Variants in TRRAP observed in about 807,000 individuals in gnomAD.
The protein encoded by TRRAP is transformation/transcription domain-associated protein.
A neutral mutation model predicts 438.8 loss-of-function variants in TRRAP; 41 were observed. The observed-to-expected ratio is 0.09, with a 90% CI of 0.07 to 0.12. The LOEUF (loss-of-function observed/expected upper bound fraction) is 0.12. Ranked by LOEUF, TRRAP falls within the 10% of genes least tolerant of loss-of-function variation. The pLI, the probability that TRRAP is intolerant of heterozygous loss-of-function variation, is 1.00. For missense variants in TRRAP, 3,122 were observed against 5,055.1 expected (o/e 0.62, Z 11.60); for synonymous variants, 1,994 against 1,962.9 (o/e 1.02, Z -0.42).
intron 1 of TRRAP, among the ~76,000 whole-genome samples, chr7:98,878,985 GGGGCC>G (rs1434140751): frequency 2.6e-5 from 4 of 152,076 alleles, no homozygotes; most frequent in African/African-American, 9.7e-5. Flanking sequence ...TGGGACGTTG[GGGGCC>G]TGTCCCTCCG....
intron 46 of TRRAP, among the ~76,000 whole-genome samples, 186 bp from the exon 47 acceptor site, chr7:98,962,116 G>A (rs957939025): frequency 3.9e-5 from 6 of 152,160 alleles, no homozygotes; most frequent in African/African-American, 1.4e-4. Context: ...GCTTTTTTGA[G>A]TATTCTGCAT....
At chr7:98,971,616 T>G (rs1473058915) in intron 52 of TRRAP, among the ~76,000 whole-genome samples, 183 bp from the exon 53 acceptor site, 1 of 152,240 alleles carries the variant, frequency 6.6e-6, no homozygotes, top group Non-Finnish European at 1.5e-5. Flanking sequence ...AAGAGAGCGA[T>G]CTGGTCTAGT....
intron 45 of TRRAP, among the ~76,000 whole-genome samples, chr7:98,959,931 T>A (rs1791804353): frequency 7.5e-6 from 1 of 132,776 alleles, no homozygotes. Flanking sequence ...CAAGACCTGG[T>A]CTCTTAAAAA....
intron 23 of TRRAP, among the ~76,000 whole-genome samples, chr7:98,928,008 G>A (rs1554411905): frequency 6.6e-6 from 1 of 152,188 alleles, no homozygotes; most frequent in African/African-American, 2.4e-5. Context: ...GGAGGCCGAG[G>A]TGGGCGGATC....
chr7:98,977,914 T>C (rs1792739409), intron 56 of TRRAP, among the ~76,000 whole-genome samples: 2 of 152,218 alleles, frequency 1.3e-5, no homozygotes, highest in Middle Eastern at 3.2e-3. Flanking sequence ...TTAGTGCTCC[T>C]GGAGAAGAGC....
intron 33 of TRRAP, among the ~76,000 whole-genome samples, chr7:98,946,494 GCA>G (rs1235534963): frequency 6.7e-6 from 1 of 149,262 alleles, no homozygotes; most frequent in Non-Finnish European, 1.5e-5. Context: ...CACCACACAT[GCA>G]CACACACCAC....
intron 63 of TRRAP, 62 bp from the exon 64 acceptor site, chr7:98,990,393 A>C (rs879796942): frequency 6.3e-7 from 1 of 1,580,206 alleles, no homozygotes; most frequent in South Asian, 1.1e-5. Flanking sequence ...TTGGGGAAAA[A>C]GTCTCTTGCT....
Position 98,956,044 on chromosome 7 carries a change from T to C in TRRAP, c.5938-102T>C. ...TTGGGCTGTGTGTGTATGTTGGGGC[T>C]GAGAGGCATGTCGGGGGTGTGTGTG... On this transcript the variant is annotated intron_variant, in intron 41 of 72. Transcript: ENST00000456197. The surrounding 1 kb of genome is among the most constrained non-coding windows in gnomAD (Gnocchi z 4.5). The C allele has an allele frequency of 7.1e-7, 1 of 1,405,806 alleles. No individual in the cohort carries two copies. Among genetic ancestry groups the C allele is most frequent in the Non-Finnish European group, 9.5e-7 (1 of 1,048,614 alleles). The allele number at this position is 1,405,806 out of a possible 1,614,324, so 87.1% of individuals were successfully genotyped here. A position where few individuals can be genotyped will look rare whatever the true frequency, so the allele number is the denominator to read the frequency against.
intron 70 of TRRAP, among the ~76,000 whole-genome samples, chr7:99,010,165 C>T (rs576026127): frequency 3.9e-5 from 6 of 152,146 alleles, no homozygotes; most frequent in South Asian, 4.1e-4. Flanking sequence ...GGATTACAGG[C>T]GTGAGCCACC....
At chr7:98,893,398 G>C (rs1796061474) in intron 5 of TRRAP, among the ~76,000 whole-genome samples, 1 of 152,220 alleles carries the variant, frequency 6.6e-6, no homozygotes, top group South Asian at 2.1e-4. Flanking sequence ...TCACAGGTCA[G>C]ATGTAGATGG....
chr7:98,996,472 T>G (rs1449503324), intron 67 of TRRAP, among the ~76,000 whole-genome samples: 2 of 152,100 alleles, frequency 1.3e-5, no homozygotes, highest in Non-Finnish European at 2.9e-5. Flanking sequence ...AGCACATGAG[T>G]GATTGCAGCA....
chr7:98,968,145 G>C (rs993289599), intron 51 of TRRAP, among the ~76,000 whole-genome samples: 1 of 151,896 alleles, frequency 6.6e-6, no homozygotes, highest in Non-Finnish European at 1.5e-5. Flanking sequence ...CAGCCTCCCC[G>C]GTAGCTGGGA....
chr7:98,909,275 C>T (rs1554408145), intron 14 of TRRAP, among the ~76,000 whole-genome samples: 1 of 152,178 alleles, frequency 6.6e-6, no homozygotes, highest in Non-Finnish European at 1.5e-5. Flanking sequence ...CCTCCTGCCT[C>T]AGCCTCCCAA....
chr7:98,911,586 G>A (rs781839549), intron 17 of TRRAP, among the ~76,000 whole-genome samples: 8 of 152,050 alleles, frequency 5.3e-5, no homozygotes, highest in Admixed American at 6.6e-5. Flanking sequence ...GGCAACAATG[G>A]TGAAACCCAT....
intron 24 of TRRAP, 111 bp downstream of exon 24, chr7:98,930,317 C>A: frequency 1.5e-6 from 2 of 1,337,010 alleles, no homozygotes; most frequent in Non-Finnish European, 2.0e-6. Flanking sequence ...TGGCTCACGC[C>A]TGTAATCCCA....
chr7:99,007,333 G>A (rs2116868890), intron 69 of TRRAP, among the ~76,000 whole-genome samples: 1 of 152,276 alleles, frequency 6.6e-6, no homozygotes, highest in South Asian at 2.1e-4. Flanking sequence ...GTGAGCATTT[G>A]GCAGAGTCTG....
At chr7:98,909,015 C>T in intron 14 of TRRAP, 53 bp downstream of exon 14, 1 of 1,313,450 alleles carries the variant, frequency 7.6e-7, no homozygotes, top group Non-Finnish European at 1.0e-6. Context: ...CTGTTTGTGG[C>T]TAAATTTTTT....
At position 99,005,533 on chromosome 7, in the gene TRRAP, C is replaced by T. The variant is rs1487727860; in HGVS notation, c.10753+185C>T. 6.6e-6 allele frequency among the ~76,000 whole-genome samples: 1 copy of T among 152,212 alleles called. No individual in the cohort carries two copies. The highest frequency in any genetic ancestry group is 2.4e-5 in the African/African-American group (1 of 41,456). On this transcript the variant is annotated intron_variant, in intron 69 of 72. Transcript: ENST00000456197. The surrounding 1 kb of genome is among the most constrained non-coding windows in gnomAD (Gnocchi z 5.1). ...AGGAAGAGGAGCAGCTCCAGGCCTTCAGGCTTCTCACTGAGAGATGAGAGC... is the reference window on the plus strand; with the variant it reads ...AGGAAGAGGAGCAGCTCCAGGCCTTTAGGCTTCTCACTGAGAGATGAGAGC...
chr7:98,986,203 G>T (rs981042266), intron 62 of TRRAP, among the ~76,000 whole-genome samples: 6 of 152,136 alleles, frequency 3.9e-5, no homozygotes, highest in African/African-American at 1.4e-4. Flanking sequence ...ATGGATGTGT[G>T]GGTTGTTCCT....
Sources: gnomAD v4.1 joint callset for allele counts (sites outside exome capture counted in the v4.1 genomes callset) on GRCh38, gnomAD v4.1.1 for gene constraint, Gnocchi (gnomAD v3.1) non-coding constraint, MANE v1.5 for transcripts, NCBI Gene and HGNC (gene_info 2026-07-23, HGNC 2026-07-21) for gene names.